PZP: variants seen among roughly 807,000 people sequenced by gnomAD.
PZP encodes the protein PZP alpha-2-macroglobulin like.
A neutral mutation model predicts 179.8 loss-of-function variants in PZP; 150 were observed. That is an observed-to-expected ratio of 0.83 (90% CI 0.73 to 0.96). PZP has a LOEUF of 0.96. PZP is among the 40% of genes least tolerant of loss of function. The pLI, the probability that PZP is intolerant of heterozygous loss-of-function variation, is 0.00. For synonymous variants in PZP, 624 were observed against 652.3 expected, an observed-to-expected ratio of 0.96 and a Z score of 0.66; for missense variants, 1,689 against 1,764.0, an observed-to-expected ratio of 0.96 and a Z score of 0.76.
At chr12:9,162,529 A>C in intron 22 of PZP, 68 bp downstream of exon 22, 1 of 1,071,330 alleles carries the variant, frequency 9.3e-7, no homozygotes, top group Non-Finnish European at 1.4e-6. Context: ...ATGAATGTGC[A>C]TTGTAACTTG....
intron 7 of PZP, 55 bp downstream of exon 7, chr12:9,200,309 A>ATTT: frequency 8.0e-7 from 1 of 1,254,318 alleles, no homozygotes; most frequent in Non-Finnish European, 1.1e-6. Flanking sequence ...TACCTACATA[A>ATTT]TCCCTCAAAA....
In PZP at chr12:9,202,340, AT is replaced by A. The variant is rs759806006; in HGVS notation, c.458del (p.Asn153IlefsTer8). 8 of 1,614,018 alleles carry A rather than the reference AT, an allele frequency of 5.0e-6. No homozygotes were observed. The highest frequency in any genetic ancestry group is 6.8e-6 in the Non-Finnish European group (8 of 1,179,994). Reference sequence around the variant, plus strand: ...TTACCAGTTCATTTCGAGGGCGAAAATTTTCATCCACGGAGACAACACGGAA... The same window carrying A: ...TTACCAGTTCATTTCGAGGGCGAAAATTTCATCCACGGAGACAACACGGAA... The part of the protein sequence containing the change: ...VRFRVVSVDE[N>X]FRPRNELIPL... On this transcript the variant is annotated frameshift_variant, in exon 4 of 36. Coordinates refer to ENST00000261336, the MANE Select transcript of PZP (RefSeq NM_002864.3). LOFTEE classifies it high-confidence loss of function.
chr12:9,206,527 T>G (rs1158929109), intron 1 of PZP, among the ~76,000 whole-genome samples: 2 of 152,256 alleles, frequency 1.3e-5, no homozygotes, highest in Non-Finnish European at 2.9e-5. Flanking sequence ...TAGCAGGGAC[T>G]AAATGTAGCA....
chr12:9,165,417 T>G (rs1393904821), intron 18 of PZP, 50 bp from the exon 19 acceptor site: 2 of 1,599,272 alleles, frequency 1.3e-6, no homozygotes, highest in Admixed American at 3.4e-5. Flanking sequence ...TAAGCCACCT[T>G]TTCTCAAGTG....
At chr12:9,184,814 C>T (rs1023206430) in intron 13 of PZP, among the ~76,000 whole-genome samples, 1 of 152,212 alleles carries the variant, frequency 6.6e-6, no homozygotes. Flanking sequence ...GAGCCTTGCT[C>T]CTCCCTGCCT....
rs980455925 is a variant in PZP, at chr12:9,166,043, GTTAC to G, written c.2258+5_2258+8del. On this transcript the variant is annotated splice_donor_5th_base_variant and intron_variant, in intron 18 of 35. Transcript: ENST00000261336. ...CCTCCAGCAAATGGAGGAAAGTAAA[GTTAC>G]TTACTTCACTGCCACCAACTCCCAG... The G allele has an allele frequency of 9.4e-6, 15 of 1,598,242 alleles. No individual in the cohort carries two copies. In the African/African-American group the frequency reaches 1.2e-4, roughly 13 times the overall value.
chr12:9,157,433 C>A, intron 27 of PZP, 78 bp from the exon 28 acceptor site: 1 of 1,343,524 alleles, frequency 7.4e-7, no homozygotes, highest in South Asian at 1.3e-5. Context: ...TATTGACAGT[C>A]AGATGTTATT....
intron 7 of PZP, among the ~76,000 whole-genome samples, chr12:9,199,744 T>G (rs1944042680): frequency 6.6e-6 from 1 of 152,060 alleles, no homozygotes; most frequent in Non-Finnish European, 1.5e-5. Flanking sequence ...AAAACTACTG[T>G]AGAGGAGGAA....
Position 9,194,243 on chromosome 12 carries a change from A to G in PZP, c.1093-5T>C, listed in dbSNP as rs1406965576. The G allele has an allele frequency of 4.3e-6, 7 of 1,613,496 alleles. No individual in the cohort carries two copies. In the African/African-American group the frequency reaches 6.7e-5, roughly 15 times the overall value. ...TTTTCCATCCACCAGAAGCACCTAA[A>G]GAAGAAAAGTACTTGATAGTTGATG... On this transcript the variant is annotated splice_polypyrimidine_tract_variant and splice_region_variant and intron_variant, in intron 10 of 35. Transcript: ENST00000261336.
At chr12:9,164,069 A>G (rs1941409425) in intron 20 of PZP, 64 bp downstream of exon 20, 4 of 1,517,360 alleles carry the variant, frequency 2.6e-6, no homozygotes, top group Admixed American at 1.9e-5. Flanking sequence ...AATATGATGA[A>G]AAAAGTACTC....
intron 13 of PZP, among the ~76,000 whole-genome samples, chr12:9,186,007 C>T (rs1039719951): frequency 1.1e-4 from 17 of 151,846 alleles, no homozygotes; most frequent in South Asian, 2.1e-4. Context: ...GGGGTTTCAC[C>T]ATGTTGGCCA....
chr12:9,147,819 A>G (rs2076409904), downstream of PZP, among the ~76,000 whole-genome samples: 1 of 152,190 alleles, frequency 6.6e-6, no homozygotes, highest in Non-Finnish European at 1.5e-5. Context: ...TTAGCAAAAT[A>G]TCTTATAGCC....
At chr12:9,186,055 C>T (rs960884117) in intron 13 of PZP, among the ~76,000 whole-genome samples, 1 of 152,000 alleles carries the variant, frequency 6.6e-6, no homozygotes, top group East Asian at 1.9e-4. Context: ...ATCTGACCAC[C>T]TTGACCCCCC....
chr12:9,192,359 A>G, intron 12 of PZP, 103 bp from the exon 13 acceptor site: 3 of 1,325,486 alleles, frequency 2.3e-6, no homozygotes, highest in South Asian at 1.2e-5. Flanking sequence ...TGTGCTGGAG[A>G]GAATCAACCT....
chr12:9,180,123 C>T (rs926584770), intron 15 of PZP, among the ~76,000 whole-genome samples: 2 of 152,122 alleles, frequency 1.3e-5, no homozygotes, highest in East Asian at 3.9e-4. Flanking sequence ...TCAATAGAGG[C>T]TTATTTATTT....
chr12:9,160,085 G>T lies in PZP; in HGVS notation c.3050-60C>A, dbSNP rs895451714. On this transcript the variant is annotated intron_variant, in intron 24 of 35. Coordinates refer to ENST00000261336, the MANE Select transcript of PZP (RefSeq NM_002864.3). The stretch of plus-strand genomic sequence containing the variant: ...TTAAAGAAAGGCAGGCCATCCATAT[G>T]TTTAGGCTCATGCATCCAGGCGCCA... The T allele has an allele frequency of 6.7e-5, 99 of 1,487,422 alleles. No homozygotes were observed. In the African/African-American group the frequency reaches 1.2e-3, roughly 18 times the overall value. 92.1% of individuals were successfully genotyped at this position (1,487,422 alleles called of 1,614,324 possible).
intron 15 of PZP, among the ~76,000 whole-genome samples, chr12:9,178,506 GAA>G (rs1180463221): frequency 1.3e-5 from 2 of 152,270 alleles, no homozygotes; most frequent in East Asian, 3.9e-4. Flanking sequence ...GTGAAAAGGT[GAA>G]AGTTCCCCAC....
chr12:9,182,198 G>A, intron 13 of PZP, 81 bp from the exon 14 acceptor site: 2 of 423,990 alleles, frequency 4.7e-6, no homozygotes, highest in Non-Finnish European at 7.2e-6. Flanking sequence ...GGACACTATT[G>A]CTTGGTCTTA....
intron 15 of PZP, among the ~76,000 whole-genome samples, chr12:9,175,805 C>T (rs1054644676): frequency 1.3e-5 from 2 of 152,052 alleles, no homozygotes; most frequent in Non-Finnish European, 2.9e-5. Flanking sequence ...AGTCAAAAAA[C>T]AACAGATGCT....
Sources: allele counts gnomAD v4.1 joint callset (sites outside exome capture counted in the v4.1 genomes callset), GRCh38; gene constraint gnomAD v4.1.1; transcripts MANE v1.5; gene names NCBI Gene and HGNC (gene_info 2026-07-23, HGNC 2026-07-21).